Variants in PAWR observed in about 807,000 individuals in gnomAD.
The protein encoded by PAWR is pro-apoptotic WT1 regulator, also known as PRKC apoptosis WT1 regulator protein.
Under a neutral mutation model 32.0 loss-of-function variants are expected in PAWR, and 23 were observed. The ratio of observed to expected loss-of-function variants is 0.72; its 90% CI spans 0.52 to 1.02. The LOEUF (loss-of-function observed/expected upper bound fraction) is 1.02. Ranked by LOEUF, PAWR falls within the 50% of genes least tolerant of loss-of-function variation. PAWR has a pLI of 0.00. For synonymous variants in PAWR, 226 were observed against 187.1 expected (o/e 1.21, Z -1.70); for missense variants, 457 against 437.7 (o/e 1.04, Z -0.39).
chr12:79,639,631 A>G (rs1269890403), intron 2 of PAWR, among the ~76,000 whole-genome samples: 2 of 152,194 alleles, frequency 1.3e-5, no homozygotes, highest in African/African-American at 4.8e-5. Flanking sequence ...AATAATTTAA[A>G]TTTATATAAT....
At chr12:79,687,879 A>G (rs962987917) in intron 2 of PAWR, among the ~76,000 whole-genome samples, 18 of 152,176 alleles carry the variant, frequency 1.2e-4, no homozygotes, top group Non-Finnish European at 8.8e-5. Context: ...TAGATACTGT[A>G]GTGAAGCATT....
At chr12:79,656,582 T>C (rs1049632364) in intron 2 of PAWR, among the ~76,000 whole-genome samples, 1 of 152,070 alleles carries the variant, frequency 6.6e-6, no homozygotes, top group Non-Finnish European at 1.5e-5. Flanking sequence ...AAAATTATGA[T>C]GATTTAGAAA....
chr12:79,681,942 C>G (rs1207782619), intron 2 of PAWR, among the ~76,000 whole-genome samples: 1 of 152,072 alleles, frequency 6.6e-6, no homozygotes, highest in Admixed American at 6.6e-5. Flanking sequence ...TAAAAATATT[C>G]TGGAAAAAAC....
intron 3 of PAWR, among the ~76,000 whole-genome samples, chr12:79,619,942 G>A (rs558170490): frequency 6.6e-6 from 1 of 152,148 alleles, no homozygotes; most frequent in East Asian, 1.9e-4. Flanking sequence ...GTCTTTACAG[G>A]TACAGTGGCA....
Position 79,690,068 on chromosome 12 carries a change from G to GCCCAGAGCCCCCGCGGGGGGCTT in PAWR, c.154_176dup (p.Thr60SerfsTer38). 7.1e-7 allele frequency: 1 copy of GCCCAGAGCCCCCGCGGGGGGCTT among 1,401,640 alleles called. No individual in the cohort carries two copies. Among genetic ancestry groups the GCCCAGAGCCCCCGCGGGGGGCTT allele is most frequent in the Non-Finnish European group, 9.2e-7 (1 of 1,089,124 alleles). 86.8% of individuals were successfully genotyped at this position (1,401,640 alleles called of 1,614,324 possible). A position where few individuals can be genotyped will look rare whatever the true frequency, so the allele number is the denominator to read the frequency against. ...CGTTGGCAGCGGCGGCCGCCGGGGT[G>GCCCAGAGCCCCCGCGGGGGGCTT]CCCAGAGCCCCCGCGGGGGGCTTCC... is the stretch of plus-strand genomic sequence containing the variant. On this transcript the variant is annotated frameshift_variant, in exon 2 of 7. Coordinates refer to ENST00000328827, the MANE Select transcript of PAWR (RefSeq NM_002583.4). LOFTEE classifies it high-confidence loss of function.
chr12:79,663,014 A>G (rs1877422191), intron 2 of PAWR, among the ~76,000 whole-genome samples: 1 of 152,202 alleles, frequency 6.6e-6, no homozygotes, highest in African/African-American at 2.4e-5. Flanking sequence ...GCCTAAAGAT[A>G]GGCAGTTCAA....
intron 2 of PAWR, among the ~76,000 whole-genome samples, chr12:79,636,666 T>C (rs190366833): frequency 1.1e-3 from 171 of 152,268 alleles, no homozygotes; most frequent in African/African-American, 3.4e-3. Flanking sequence ...CCATTTGCTC[T>C]TTCTCATAAG....
intron 2 of PAWR, among the ~76,000 whole-genome samples, chr12:79,685,750 A>G (rs1878653047): frequency 6.6e-6 from 1 of 152,156 alleles, no homozygotes; most frequent in Non-Finnish European, 1.5e-5. Context: ...CCATACCTTT[A>G]CTGTTTTCCT....
intron 4 of PAWR, among the ~76,000 whole-genome samples, chr12:79,598,233 G>A (rs1873834902): frequency 1.3e-5 from 2 of 152,126 alleles, no homozygotes; most frequent in South Asian, 4.2e-4. Context: ...GGTTCACTGG[G>A]GGCTATCTTG....
intron 2 of PAWR, among the ~76,000 whole-genome samples, chr12:79,662,343 C>T (rs1015947801): frequency 1.3e-5 from 2 of 152,056 alleles, no homozygotes; most frequent in Non-Finnish European, 1.5e-5. Context: ...CCCTAACAAC[C>T]ACCCTGGGAA....
intron 2 of PAWR, among the ~76,000 whole-genome samples, chr12:79,661,274 T>C (rs543275724): frequency 2.1e-4 from 32 of 150,332 alleles, no homozygotes; most frequent in Admixed American, 9.9e-4. Context: ...AAAAAGAACT[T>C]ACATTTTAGT....
intron 4 of PAWR, chr12:79,603,665 C>A (rs1234612889): frequency 7.1e-6 from 1 of 141,452 alleles, no homozygotes; most frequent in Non-Finnish European, 1.5e-5. Flanking sequence ...CATCATTATG[C>A]TATTTTTTTT....
At chr12:79,683,354 T>A (rs1255751967) in intron 2 of PAWR, among the ~76,000 whole-genome samples, 1 of 152,196 alleles carries the variant, frequency 6.6e-6, no homozygotes, top group Non-Finnish European at 1.5e-5. Flanking sequence ...CAGCATTCAT[T>A]TCATTTGACG....
chr12:79,590,116 T>C lies in PAWR; in HGVS notation c.*2491A>G, dbSNP rs752686618. On this transcript the variant is annotated 3_prime_UTR_variant, in exon 7 of 7. Transcript: ENST00000328827. ...TTGTAAGGCTCCTGTCTTTACGCTA[T>C]CATTAAAGGCCAAAAAAATCACTGC... is the stretch of plus-strand genomic sequence containing the variant. 2.0e-5 allele frequency: 3 copies of C among 151,992 alleles called. No individual in the cohort carries two copies. The highest frequency in any genetic ancestry group is 2.9e-5 in the Non-Finnish European group (2 of 68,008). 9.4% of individuals were successfully genotyped at this position (151,992 alleles called of 1,614,324 possible).
At position 79,673,358 on chromosome 12, in the gene PAWR, C is replaced by T. The variant is rs146763558; in HGVS notation, c.516+16371G>A. Among the ~76,000 whole-genome samples the T allele has an allele frequency of 3.5e-3, 535 of 152,294 alleles. 4 individuals carry two copies. The highest frequency in any genetic ancestry group is 0.012 in the African/African-American group (505 of 41,544). ...TGCTGGGATTACAGGCATGAGCCAC[C>T]GCGCCCGGCCCTAAATTAATCATAT... is the stretch of plus-strand genomic sequence containing the variant. On this transcript the variant is annotated intron_variant, in intron 2 of 6. Transcript: ENST00000328827.
intron 2 of PAWR, among the ~76,000 whole-genome samples, chr12:79,678,331 T>C (rs1433369132): frequency 2.0e-5 from 3 of 152,236 alleles, no homozygotes; most frequent in African/African-American, 7.2e-5. Context: ...TTCTTTGGCA[T>C]GGCATTAAAA....
chr12:79,660,033 T>C (rs1364923546), intron 2 of PAWR, among the ~76,000 whole-genome samples: 1 of 152,216 alleles, frequency 6.6e-6, no homozygotes, highest in Non-Finnish European at 1.5e-5. Context: ...ACTCTCTCAC[T>C]ATGGTTAGTG....
At position 79,588,660 on chromosome 12, in the gene PAWR, A is replaced by G. The variant is rs1375581312; in HGVS notation, c.*3947T>C. On this transcript the variant is annotated 3_prime_UTR_variant, in exon 7 of 7. Coordinates refer to ENST00000328827, the MANE Select transcript of PAWR (RefSeq NM_002583.4). ...ACACTACTAGATGGAAAGTTGGTCC[A>G]TGTCCATTTATTTAAAGATTCTGTA... 2 of 152,008 alleles carry G rather than the reference A, an allele frequency of 1.3e-5. No homozygotes were observed. Among genetic ancestry groups the G allele is most frequent in the Non-Finnish European group, 2.9e-5 (2 of 67,882 alleles). 9.4% of individuals were successfully genotyped at this position (152,008 alleles called of 1,614,324 possible).
chr12:79,673,636 T>A (rs1285303362), intron 2 of PAWR, among the ~76,000 whole-genome samples: 1 of 152,170 alleles, frequency 6.6e-6, no homozygotes, highest in East Asian at 1.9e-4. Context: ...TCAAATTCAG[T>A]AACCCAATAC....
Sources: gnomAD v4.1 joint callset for allele counts (sites outside exome capture counted in the v4.1 genomes callset) on GRCh38, gnomAD v4.1.1 for gene constraint, MANE v1.5 for transcripts, NCBI Gene and HGNC (gene_info 2026-07-23, HGNC 2026-07-21) for gene names.